Variants in THG1L observed in about 807,000 individuals in gnomAD.
THG1L encodes probable tRNA(His) guanylyltransferase.
THG1L carries 27 observed loss-of-function variants against 35.2 expected under a neutral mutation model. The observed-to-expected ratio is 0.77, with a 90% CI of 0.57 to 1.06. The LOEUF is 1.06. THG1L is among the 50% of genes least tolerant of loss of function. The pLI is 0.00. For missense variants in THG1L, 377 were observed against 371.8 expected (o/e 1.01, Z -0.12); for synonymous variants, 135 against 132.4 (o/e 1.02, Z -0.14).
At chr5:157,738,113 C>G (rs776810136) in intron 5 of THG1L, 119 bp downstream of exon 5, 3 of 740,528 alleles carry the variant, frequency 4.1e-6, no homozygotes, top group Non-Finnish European at 6.6e-6. Flanking sequence ...CTAATGCAAA[C>G]CTTTCCAAGA....
Position 157,739,429 on chromosome 5 carries a change from A to T in THG1L, c.844A>T (p.Ile282Phe). ...TKPVPLHCDI[I>F]GDAFWKEHPE... The stretch of plus-strand genomic sequence containing the variant: ...GCCAGTGCCCTTGCACTGCGATATC[A>T]TCGGGGATGCTTTCTGGAAGGAACA... The change falls in exon 6 of 6, where the codon ATC becomes TTC. Residue 282 changes from isoleucine to phenylalanine, a missense_variant. Ile to Phe is a conservative substitution (Grantham distance 21). Coordinates refer to ENST00000231198, the MANE Select transcript of THG1L (RefSeq NM_017872.5). 1.2e-6 allele frequency: 2 copies of T among 1,613,728 alleles called. No individual in the cohort carries two copies. The highest frequency in any genetic ancestry group is 1.7e-6 in the Non-Finnish European group (2 of 1,179,794).
At chr5:157,738,513 C>T in intron 5 of THG1L, 4 of 361,118 alleles carry the variant, frequency 1.1e-5, no homozygotes, top group South Asian at 2.1e-5. Flanking sequence ...TTAATTTTAC[C>T]AATATTTTCT....
chr5:157,741,280 G>C lies in THG1L; in HGVS notation c.*1798G>C, dbSNP rs1761035369. The C allele has an allele frequency of 6.6e-6, 1 of 152,132 alleles. No homozygotes were observed. The allele number at this position is 152,132 out of a possible 1,614,324, so 9.4% of individuals were successfully genotyped here. A position where few individuals can be genotyped will look rare whatever the true frequency, so the allele number is the denominator to read the frequency against. ...CAGAATTTACATCTAAGAAGAAAAT[G>C]TATTTTTGAAAGGGTGATGGCTGGC... On this transcript the variant is annotated 3_prime_UTR_variant, in exon 6 of 6. Coordinates refer to ENST00000231198, the MANE Select transcript of THG1L (RefSeq NM_017872.5).
chr5:157,734,587 C>T lies in THG1L; in HGVS notation c.380C>T (p.Thr127Ile), dbSNP rs1212500815. 1.2e-6 allele frequency: 2 copies of T among 1,614,104 alleles called. No individual in the cohort carries two copies. The highest frequency in any genetic ancestry group is 2.2e-5 in the East Asian group (1 of 44,880). The stretch of plus-strand genomic sequence containing the variant: ...GTTACATTTTCAAGTAAGTTCATGA[C>T]TCACGTGGCCTCCCAGTTTGCCTCC... The part of the protein sequence containing the change: ...WFKRRASKFM[T>I]HVASQFASSY... Residue 127 changes from threonine to isoleucine, a missense_variant, in exon 3 of 6, where the codon ACT (threonine) becomes ATT (isoleucine). Transcript: ENST00000231198.
intron 4 of THG1L, among the ~76,000 whole-genome samples, chr5:157,737,290 A>G (rs576769813): frequency 1.3e-5 from 2 of 152,252 alleles, no homozygotes; most frequent in South Asian, 4.1e-4. Context: ...TCAGGAGTTC[A>G]AGACCAGCCT....
At position 157,734,638 on chromosome 5, in the gene THG1L, AC is replaced by A. The variant is rs777580694; in HGVS notation, c.432del (p.Phe145LeufsTer25). The stretch of plus-strand genomic sequence containing the variant: ...AGCTATGTGTTTTATTGGCGGGATT[AC>A]TTTGAGGACCAGCCCCTTCTGTATC... ...ASSYVFYWRD[Y>X]FEDQPLLYPP... On this transcript the variant is annotated frameshift_variant, in exon 3 of 6. Coordinates refer to ENST00000231198, the MANE Select transcript of THG1L (RefSeq NM_017872.5). LOFTEE classifies it high-confidence loss of function. 3.1e-6 allele frequency: 5 copies of A among 1,613,910 alleles called. No homozygotes were observed. The highest frequency in any genetic ancestry group is 4.2e-6 in the Non-Finnish European group (5 of 1,179,972).
At chr5:157,735,980 T>G in intron 4 of THG1L, 46 bp downstream of exon 4, 1 of 1,298,304 alleles carries the variant, frequency 7.7e-7, no homozygotes, top group Middle Eastern at 1.8e-4. Context: ...GACAGTTCGC[T>G]GTAGGCTCTC....
intron 1 of THG1L, among the ~76,000 whole-genome samples, chr5:157,732,406 A>G (rs976854097): frequency 1.3e-5 from 2 of 151,980 alleles, no homozygotes; most frequent in Non-Finnish European, 2.9e-5. Context: ...CGGTGATTGG[A>G]CACTGCACTC....
chr5:157,739,027 G>C (rs772485086), intron 5 of THG1L, among the ~76,000 whole-genome samples: 1 of 151,912 alleles, frequency 6.6e-6, no homozygotes, highest in African/African-American at 2.4e-5. Context: ...GCATGTCTCA[G>C]CCTCCCAAAG....
At chr5:157,734,057 A>T (rs913486919) in intron 2 of THG1L, among the ~76,000 whole-genome samples, 6 of 151,432 alleles carry the variant, frequency 4.0e-5, no homozygotes, top group African/African-American at 1.5e-4. Context: ...TCAGTAGGTT[A>T]CTTAATAGAA....
chr5:157,732,575 TA>T (rs1760757286), intron 1 of THG1L, among the ~76,000 whole-genome samples: 1 of 152,220 alleles, frequency 6.6e-6, no homozygotes, highest in Non-Finnish European at 1.5e-5. Context: ...TAGGTATGAT[TA>T]CTTTTATCTT....
intron 5 of THG1L, chr5:157,738,557 T>TA: frequency 2.4e-6 from 1 of 410,546 alleles, no homozygotes; most frequent in Non-Finnish European, 4.7e-6. Context: ...ATGATTTCTC[T>TA]AAATTTATTT....
Position 157,739,530 on chromosome 5 carries a change from A to C in THG1L, c.*48A>C. On this transcript the variant is annotated 3_prime_UTR_variant, in exon 6 of 6. Coordinates refer to ENST00000231198, the MANE Select transcript of THG1L (RefSeq NM_017872.5). ...TGTGCTTAACCATGCAAGCCCTCCCACCTCCCAGGGCTCCTTGCCTTAGGT... is the reference window on the plus strand; with the variant it reads ...TGTGCTTAACCATGCAAGCCCTCCCCCCTCCCAGGGCTCCTTGCCTTAGGT... The C allele has an allele frequency of 1.9e-6, 3 of 1,566,858 alleles. No homozygotes were observed. Among genetic ancestry groups the C allele is most frequent in the East Asian group, 2.3e-5 (1 of 43,784 alleles).
At chr5:157,737,049 C>G (rs909314663) in intron 4 of THG1L, among the ~76,000 whole-genome samples, 22 of 152,280 alleles carry the variant, frequency 1.4e-4, no homozygotes, top group Admixed American at 8.5e-4. Context: ...CCGCCCACCT[C>G]AGCCTCCCAA....
At chr5:157,738,572 C>T (rs780641337) in intron 5 of THG1L, 48 of 416,370 alleles carry the variant, frequency 1.2e-4, no homozygotes, top group South Asian at 7.9e-4. Context: ...TTATTTCCTT[C>T]CATGTAAAGT....
intron 5 of THG1L, 30 bp downstream of exon 5, chr5:157,738,024 AAGTC>A: frequency 1.3e-6 from 2 of 1,569,332 alleles, no homozygotes; most frequent in Non-Finnish European, 1.7e-6. Context: ...AGAAAAATGG[AAGTC>A]AGGAAAAAAG....
intron 1 of THG1L, 55 bp from the exon 2 acceptor site, chr5:157,732,813 G>GTGTT: frequency 5.6e-6 from 9 of 1,597,038 alleles, no homozygotes; most frequent in Middle Eastern, 1.7e-4. Flanking sequence ...GCAACAGAGC[G>GTGTT]TGTTGTTAAT....
intron 2 of THG1L, among the ~76,000 whole-genome samples, chr5:157,733,262 A>G (rs1456378618): frequency 6.6e-6 from 1 of 152,186 alleles, no homozygotes; most frequent in East Asian, 1.9e-4. Flanking sequence ...ATGCCCCATA[A>G]GATTGGTTTC....
chr5:157,734,842 C>T, intron 3 of THG1L, 97 bp downstream of exon 3: 1 of 1,368,920 alleles, frequency 7.3e-7, no homozygotes, highest in Non-Finnish European at 1.0e-6. Flanking sequence ...TACTTTGTTT[C>T]AACATATACG....
Sources: allele counts gnomAD v4.1 joint callset (sites outside exome capture counted in the v4.1 genomes callset), GRCh38; gene constraint gnomAD v4.1.1; transcripts MANE v1.5; gene names NCBI Gene and HGNC (gene_info 2026-07-23, HGNC 2026-07-21).